Variants in RAB7B observed in about 807,000 individuals in gnomAD.
RAB7B encodes the protein RAB7B, member RAS oncogene family.
rs1660579469 is a variant in RAB7B at position 205,985,661 on chromosome 1, G to A, written c.401C>T (p.Pro134Leu). ...NKIDLADRKV[P>L]QEVAQGWCRE... is the part of the protein sequence containing the mutation. ...ACACCAGCCTTGAGCTACTTCCTGG[G>A]GTACCTGAATGAGGGAAAGAAATAG... Residue 134 changes from proline (P) to leucine (L), a missense_variant, in exon 5 of 6, where the codon CCC becomes CTC. Transcript: ENST00000617070. The A allele has an allele frequency of 2.5e-6, 1 of 399,274 alleles. No homozygotes were observed. Among genetic ancestry groups the A allele is most frequent in the Non-Finnish European group, 4.4e-6 (1 of 226,604 alleles). 24.7% of individuals were successfully genotyped at this position (399,274 alleles called of 1,614,324 possible).
chr1:206,002,996 T>C (rs941325201), intron 1 of RAB7B, among the ~76,000 whole-genome samples: 1 of 152,242 alleles, frequency 6.6e-6, no homozygotes, highest in African/African-American at 2.4e-5. Context: ...AGCAGCTGCG[T>C]CCTGGGACTG....
intron 4 of RAB7B, among the ~76,000 whole-genome samples, chr1:205,988,800 C>T (rs1402700329): frequency 2.0e-5 from 3 of 152,156 alleles, no homozygotes; most frequent in South Asian, 2.1e-4. Flanking sequence ...GGACGGGCTC[C>T]GAGGAGAAGG....
intron 3 of RAB7B, 73 bp downstream of exon 3, chr1:205,993,347 A>G (rs1660756643): frequency 2.5e-6 from 1 of 397,160 alleles, no homozygotes; most frequent in Non-Finnish European, 4.4e-6. Flanking sequence ...ACATTGCTAC[A>G]TGAGTGGCTG....
intron 1 of RAB7B, among the ~76,000 whole-genome samples, chr1:205,998,144 AG>A (rs1352554453): frequency 9.9e-5 from 15 of 152,188 alleles, no homozygotes; most frequent in African/African-American, 3.6e-4. Context: ...TCATGAGGTC[AG>A]GAGTTCGAGA....
rs930910676 is a variant in RAB7B, at chr1:206,000,062, C to T, written c.-17+3191G>A. ...ATGTTGGCATTACAGGTGTGAGCCA[C>T]CACGCCTGGCCAAGGGCAGTTTTAA... On this transcript the variant is annotated intron_variant, in intron 1 of 5. Coordinates refer to ENST00000617070, the MANE Select transcript of RAB7B (RefSeq NM_001164522.3). Among the ~76,000 whole-genome samples, 440 of 152,290 alleles carry T rather than the reference C, an allele frequency of 2.9e-3. 4 individuals are homozygous for T. Among genetic ancestry groups the T allele is most frequent in the African/African-American group, 0.01 (420 of 41,566 alleles).
intron 1 of RAB7B, among the ~76,000 whole-genome samples, chr1:205,995,120 C>T (rs1055790047): frequency 0.093 from 14,139 of 151,724 alleles, 2,203 homozygotes; most frequent in African/African-American, 0.32. Context: ...GGGGTGGGGG[C>T]AGGGGGTGGG....
intron 1 of RAB7B, among the ~76,000 whole-genome samples, chr1:205,995,841 G>C (rs1441254479): frequency 6.6e-6 from 1 of 152,076 alleles, no homozygotes. Context: ...ACAATGTATT[G>C]TATTCTTGAA....
At chr1:205,981,358 C>T (rs1381821474) in intron 5 of RAB7B, among the ~76,000 whole-genome samples, 1 of 152,220 alleles carries the variant, frequency 6.6e-6, no homozygotes, top group Admixed American at 6.5e-5. Context: ...AAGTAATCTA[C>T]CTTTCCTTTC....
chr1:205,978,520 T>G lies in RAB7B; in HGVS notation c.*331A>C. On this transcript the variant is annotated 3_prime_UTR_variant, in exon 6 of 6. Transcript: ENST00000617070. ...CCAATCAGTGGCCGGTCTGCGGAGATGTGTGTTCTGGAGCGGGAGTGTTTG... is the reference window on the plus strand; with the variant it reads ...CCAATCAGTGGCCGGTCTGCGGAGAGGTGTGTTCTGGAGCGGGAGTGTTTG... The G allele has an allele frequency of 9.5e-6, 2 of 209,984 alleles. No homozygotes were observed. The highest frequency in any genetic ancestry group is 1.9e-5 in the Non-Finnish European group (2 of 106,164). 13.0% of individuals were successfully genotyped at this position (209,984 alleles called of 1,614,324 possible). A position where few individuals can be genotyped will look rare whatever the true frequency, so the allele number is the denominator to read the frequency against.
intron 4 of RAB7B, among the ~76,000 whole-genome samples, chr1:205,988,110 T>C (rs1350793875): frequency 3.3e-5 from 5 of 152,154 alleles, no homozygotes; most frequent in African/African-American, 1.2e-4. Context: ...CATTGTACAT[T>C]CCTTGCTATT....
intron 1 of RAB7B, among the ~76,000 whole-genome samples, chr1:206,001,277 CTTTT>C (rs1263017651): frequency 6.9e-6 from 1 of 144,948 alleles, no homozygotes; most frequent in African/African-American, 2.5e-5. Flanking sequence ...CAGTAGCCGT[CTTTT>C]TTTTTTTTTA....
chr1:205,978,147 A>C lies in RAB7B; in HGVS notation c.*704T>G, dbSNP rs1660418732. On this transcript the variant is annotated 3_prime_UTR_variant, in exon 6 of 6. Transcript: ENST00000617070. Reference sequence around the variant, plus strand: ...GGTCCTCAAAACCACACTGTGATACAGGGGGCAAGGCACATCTCACCCCCA... The same window carrying C: ...GGTCCTCAAAACCACACTGTGATACCGGGGGCAAGGCACATCTCACCCCCA... 6.6e-6 allele frequency: 1 copy of C among 152,206 alleles called. No homozygotes were observed. The highest frequency in any genetic ancestry group is 2.1e-4 in the South Asian group (1 of 4,834). 9.4% of individuals were successfully genotyped at this position (152,206 alleles called of 1,614,324 possible).
intron 5 of RAB7B, among the ~76,000 whole-genome samples, chr1:205,981,429 G>C (rs962036145): frequency 6.6e-6 from 1 of 152,070 alleles, no homozygotes; most frequent in Admixed American, 6.5e-5. Context: ...CACCTACTCT[G>C]GTCTCTTTCA....
At chr1:205,992,088 C>T (rs1660730994) in intron 4 of RAB7B, among the ~76,000 whole-genome samples, 1 of 152,224 alleles carries the variant, frequency 6.6e-6, no homozygotes, top group Admixed American at 6.5e-5. Context: ...GACCTCCCTC[C>T]TGCCTACATC....
intron 5 of RAB7B, among the ~76,000 whole-genome samples, chr1:205,985,113 T>C (rs1208540446): frequency 6.6e-6 from 1 of 152,248 alleles, no homozygotes; most frequent in Non-Finnish European, 1.5e-5. Flanking sequence ...TCTACGTCTA[T>C]TCATCTTTTT....
chr1:205,992,150 C>T (rs1660731730), intron 4 of RAB7B, among the ~76,000 whole-genome samples: 1 of 152,168 alleles, frequency 6.6e-6, no homozygotes, highest in African/African-American at 2.4e-5. Flanking sequence ...ACCTTTAGTT[C>T]TCAGCTTATA....
At chr1:205,997,045 C>A (rs960368756) in intron 1 of RAB7B, among the ~76,000 whole-genome samples, 2 of 152,132 alleles carry the variant, frequency 1.3e-5, no homozygotes, top group Admixed American at 6.5e-5. Flanking sequence ...AGACCAAAGG[C>A]GATTTGAAGC....
chr1:205,990,209 A>G (rs1376054249), intron 4 of RAB7B, among the ~76,000 whole-genome samples: 1 of 152,218 alleles, frequency 6.6e-6, no homozygotes, highest in African/African-American at 2.4e-5. Flanking sequence ...CACAGCGTGG[A>G]TATAAAGCGC....
chr1:205,977,615 G>C lies in RAB7B; in HGVS notation c.*1236C>G, dbSNP rs1660407469. ...AGCAGAGCATCTAGGAGCCACCCAA[G>C]GGAGCTGGGTCCCCTTTGCTTTGTC... On this transcript the variant is annotated 3_prime_UTR_variant, in exon 6 of 6. Coordinates refer to ENST00000617070, the MANE Select transcript of RAB7B (RefSeq NM_001164522.3). The C allele has an allele frequency of 6.6e-6, 1 of 152,174 alleles. No homozygotes were observed. Among genetic ancestry groups the C allele is most frequent in the Non-Finnish European group, 1.5e-5 (1 of 68,038 alleles). 9.4% of individuals were successfully genotyped at this position (152,174 alleles called of 1,614,324 possible).
Sources: gnomAD v4.1 joint callset for allele counts (sites outside exome capture counted in the v4.1 genomes callset) on GRCh38, gnomAD v4.1.1 for gene constraint, MANE v1.5 for transcripts, NCBI Gene and HGNC (gene_info 2026-07-23, HGNC 2026-07-21) for gene names.